Variants in FRMD4B observed in about 807,000 individuals in gnomAD.
FRMD4B encodes FERM domain containing 4B.
Under a neutral mutation model 141.5 loss-of-function variants are expected in FRMD4B, and 74 were observed. The ratio of observed to expected loss-of-function variants is 0.52; its 90% CI spans 0.43 to 0.63. FRMD4B has a LOEUF of 0.63. Ranked by LOEUF, FRMD4B falls within the 30% of genes least tolerant of loss-of-function variation. FRMD4B has a pLI of 0.00. For missense variants in FRMD4B, 1,366 were observed against 1,253.4 expected (o/e 1.09, Z -1.36); for synonymous variants, 506 against 467.9 (o/e 1.08, Z -1.05).
chr3:69,322,555 C>T (rs571221319), intron 1 of FRMD4B, among the ~76,000 whole-genome samples: 19 of 151,754 alleles, frequency 1.3e-4, no homozygotes, highest in African/African-American at 4.6e-4. Context: ...TGCTAACAAC[C>T]CTACCAGGGA....
At chr3:69,228,517 T>C (rs939228883) in intron 7 of FRMD4B, 12 of 447,838 alleles carry the variant, frequency 2.7e-5, no homozygotes, top group African/African-American at 1.0e-4. Flanking sequence ...GTGATAGAGA[T>C]CAAAACTTTA....
At chr3:69,239,960 G>A (rs531721371) in intron 7 of FRMD4B, among the ~76,000 whole-genome samples, 2 of 152,098 alleles carry the variant, frequency 1.3e-5, no homozygotes, top group East Asian at 3.9e-4. Context: ...GGCTGAGGCA[G>A]GAGAATCGCT....
chr3:69,241,364 T>C (rs912857044), intron 7 of FRMD4B, among the ~76,000 whole-genome samples: 2 of 152,208 alleles, frequency 1.3e-5, no homozygotes, highest in African/African-American at 4.8e-5. Flanking sequence ...GGGAGATTCA[T>C]AGCGCTCATG....
Position 69,504,728 on chromosome 3 carries a change from T to C in FRMD4B, c.-129+37478A>G, listed in dbSNP as rs9817214. On this transcript the variant is annotated intron_variant, in intron 1 of 5. Transcript: ENST00000459638. ...TCATCAGTAATGGATATTTGGGTTG[T>C]TTCCAAGATGAATAATCTTATAGGT... Among the ~76,000 whole-genome samples, 156 of 152,338 alleles carry C rather than the reference T, an allele frequency of 1.0e-3. 1 individual carries two copies. Among genetic ancestry groups the C allele is most frequent in the Non-Finnish European group, 4.3e-4 (29 of 68,030 alleles).
intron 7 of FRMD4B, among the ~76,000 whole-genome samples, chr3:69,245,834 G>GT (rs1183774603): frequency 0.016 from 1,260 of 78,284 alleles, 35 homozygotes; most frequent in African/African-American, 0.021. Context: ...AGGCTAATTT[G>GT]TTTTTTTTTT....
intron 1 of FRMD4B, among the ~76,000 whole-genome samples, chr3:69,520,854 G>A (rs770084690): frequency 6.6e-6 from 1 of 152,100 alleles, no homozygotes; most frequent in Non-Finnish European, 1.5e-5. Context: ...AAGGATTAAG[G>A]TCATCAGAAT....
intron 1 of FRMD4B, among the ~76,000 whole-genome samples, chr3:69,523,004 T>C (rs921139909): frequency 6.6e-6 from 1 of 151,928 alleles, no homozygotes; most frequent in Non-Finnish European, 1.5e-5. Flanking sequence ...ATTCCTCCTC[T>C]GAGGGAAAAA....
chr3:69,272,742 G>A (rs1020715980), intron 5 of FRMD4B, among the ~76,000 whole-genome samples: 5 of 152,202 alleles, frequency 3.3e-5, no homozygotes, highest in Non-Finnish European at 5.9e-5. Flanking sequence ...AACCATAAAT[G>A]TGATGCTAAC....
At chr3:69,248,150 T>G (rs979780177) in intron 7 of FRMD4B, among the ~76,000 whole-genome samples, 1 of 152,184 alleles carries the variant, frequency 6.6e-6, no homozygotes, top group Non-Finnish European at 1.5e-5. Context: ...CTCTTGTTTT[T>G]TTTTTTAAAC....
At chr3:69,478,481 G>A (rs1706044016) in intron 1 of FRMD4B, among the ~76,000 whole-genome samples, 1 of 152,154 alleles carries the variant, frequency 6.6e-6, no homozygotes, top group Admixed American at 6.5e-5. Context: ...TCATTCAGGA[G>A]CAGGTTGTTC....
chr3:69,214,829 T>C (rs550663902), intron 11 of FRMD4B, among the ~76,000 whole-genome samples: 1 of 152,074 alleles, frequency 6.6e-6, no homozygotes, highest in African/African-American at 2.4e-5. Context: ...GCCACTGCAC[T>C]CCAGCCAAGG....
chr3:69,243,472 T>C (rs1401177236), intron 7 of FRMD4B, among the ~76,000 whole-genome samples: 1 of 152,148 alleles, frequency 6.6e-6, no homozygotes, highest in Non-Finnish European at 1.5e-5. Flanking sequence ...CAACCAAATA[T>C]GGCCTTGAAT....
At chr3:69,410,266 C>A (rs1363070815) in intron 2 of FRMD4B, among the ~76,000 whole-genome samples, 1 of 152,186 alleles carries the variant, frequency 6.6e-6, no homozygotes, top group Non-Finnish European at 1.5e-5. Context: ...GGTCCGATAT[C>A]AGCTCTGAAA....
intron 1 of FRMD4B, among the ~76,000 whole-genome samples, chr3:69,376,314 A>AT (rs1703969860): frequency 1.3e-5 from 2 of 152,116 alleles, no homozygotes; most frequent in Non-Finnish European, 2.9e-5. Context: ...GGGAGCATAG[A>AT]TTTTTCCCTA....
At position 69,502,620 on chromosome 3, in the gene FRMD4B, C is replaced by G. The variant is rs575962467; in HGVS notation, c.-129+39586G>C. Among the ~76,000 whole-genome samples, 1,337 of 152,068 alleles carry G rather than the reference C, an allele frequency of 8.8e-3. 16 individuals are homozygous for G. The highest frequency in any genetic ancestry group is 0.054 in the South Asian group (261 of 4,802). On this transcript the variant is annotated intron_variant, in intron 1 of 5. Transcript: ENST00000459638. The stretch of plus-strand genomic sequence containing the variant: ...GCAATACCATTCAGGACATAGGCAT[C>G]GGCAAGGACTTCATGTCTAAAACAC...
intron 1 of FRMD4B, among the ~76,000 whole-genome samples, chr3:69,518,047 G>T (rs1361505223): frequency 2.0e-5 from 3 of 152,132 alleles, no homozygotes; most frequent in African/African-American, 7.2e-5. Context: ...GAGAACCACA[G>T]GAATCTGAGC....
chr3:69,187,544 A>G (rs2092781732), intron 19 of FRMD4B, among the ~76,000 whole-genome samples: 1 of 110,050 alleles, frequency 9.1e-6, no homozygotes, highest in African/African-American at 2.9e-5. Flanking sequence ...CCACCTCAAA[A>G]AAAAAAAAAT....
intron 2 of FRMD4B, among the ~76,000 whole-genome samples, chr3:69,429,355 C>T (rs551220899): frequency 6.6e-6 from 1 of 152,214 alleles, no homozygotes; most frequent in Non-Finnish European, 1.5e-5. Context: ...AAAATATTGC[C>T]CCTACTGGCA....
At chr3:69,468,603 C>T (rs1254351859) in intron 1 of FRMD4B, among the ~76,000 whole-genome samples, 4 of 152,150 alleles carry the variant, frequency 2.6e-5, no homozygotes, top group Non-Finnish European at 4.4e-5. Flanking sequence ...CAATTTTCTG[C>T]TCTTAAGGAG....
Sources: gnomAD v4.1 joint callset for allele counts (sites outside exome capture counted in the v4.1 genomes callset) on GRCh38, gnomAD v4.1.1 for gene constraint, MANE v1.5 for transcripts, NCBI Gene and HGNC (gene_info 2026-07-23, HGNC 2026-07-21) for gene names.